Variants in HHLA2 observed in about 807,000 individuals in gnomAD.
HHLA2 encodes HERV-H LTR-associating protein 2.
In HHLA2, 48 loss-of-function variants were observed where a neutral mutation model predicts 45.9. The ratio of observed to expected loss-of-function variants is 1.05; its 90% CI spans 0.83 to 1.33. The LOEUF is 1.33. Among genes scored for constraint, HHLA2 ranks in the 40% most tolerant of loss-of-function variants. The pLI is 0.00. For missense variants in HHLA2, 462 were observed against 494.3 expected (o/e 0.93, Z 0.62); for synonymous variants, 161 against 173.9 (o/e 0.93, Z 0.59).
intron 3 of HHLA2, 66 bp from the exon 3 acceptor site, chr3:108,351,722 C>A: frequency 2.2e-6 from 2 of 906,512 alleles, no homozygotes; most frequent in South Asian, 1.5e-5. Context: ...ATGAATGTAC[C>A]ACTCTTTTCC....
At chr3:108,338,563 T>C (rs1344935180) in intron 3 of HHLA2, among the ~76,000 whole-genome samples, 1 of 152,192 alleles carries the variant, frequency 6.6e-6, no homozygotes, top group African/African-American at 2.4e-5. Flanking sequence ...TTCTTTCTGT[T>C]GAAGTTCTCT....
chr3:108,330,515 G>A (rs759197439), intron 3 of HHLA2, among the ~76,000 whole-genome samples: 2 of 152,190 alleles, frequency 1.3e-5, no homozygotes, highest in East Asian at 1.9e-4. Context: ...CCACAAAAGA[G>A]ATTATTTGGG....
intron 1 of HHLA2, among the ~76,000 whole-genome samples, chr3:108,305,402 G>C (rs1252657945): frequency 6.6e-6 from 1 of 152,152 alleles, no homozygotes; most frequent in Non-Finnish European, 1.5e-5. Context: ...TTTCTGAATG[G>C]GAATGTAGAA....
chr3:108,362,593 T>A, intron 8 of HHLA2, 147 bp downstream of exon 7: 1 of 628,144 alleles, frequency 1.6e-6, no homozygotes, highest in Non-Finnish European at 2.8e-6. Context: ...CAAAATCTTT[T>A]AAAATGCTCC....
chr3:108,305,361 T>C (rs1480231810), intron 1 of HHLA2, among the ~76,000 whole-genome samples: 1 of 152,132 alleles, frequency 6.6e-6, no homozygotes, highest in Non-Finnish European at 1.5e-5. Flanking sequence ...AGCAATTCTC[T>C]TGGTCGTAGC....
At chr3:108,310,186 G>T (rs1331577862) in intron 1 of HHLA2, among the ~76,000 whole-genome samples, 1 of 151,900 alleles carries the variant, frequency 6.6e-6, no homozygotes, top group African/African-American at 2.4e-5. Flanking sequence ...CTAGATCAGA[G>T]AAAATATATT....
chr3:108,356,064 C>T (rs184043181), intron 6 of HHLA2, among the ~76,000 whole-genome samples: 263 of 144,942 alleles, frequency 1.8e-3, no homozygotes, highest in African/African-American at 6.6e-3. Flanking sequence ...GAGTCTCCCT[C>T]TGTCGCCCAG....
At chr3:108,307,321 A>G (rs1373810255) in intron 1 of HHLA2, among the ~76,000 whole-genome samples, 1 of 152,112 alleles carries the variant, frequency 6.6e-6, no homozygotes, top group Non-Finnish European at 1.5e-5. Context: ...AGAGTTACAG[A>G]AAAGTTATGA....
At chr3:108,356,910 T>C (rs2081903217) in intron 6 of HHLA2, among the ~76,000 whole-genome samples, 1 of 152,216 alleles carries the variant, frequency 6.6e-6, no homozygotes, top group East Asian at 1.9e-4. Context: ...GGTAGAATTT[T>C]AGAAGAGTAG....
chr3:108,347,886 T>C (rs1441689052), intron 3 of HHLA2, among the ~76,000 whole-genome samples: 1 of 152,168 alleles, frequency 6.6e-6, no homozygotes, highest in Non-Finnish European at 1.5e-5. Context: ...AATTTGGTAC[T>C]AGGTGAGATG....
chr3:108,341,854 T>C (rs1166574118), intron 3 of HHLA2, among the ~76,000 whole-genome samples: 1 of 152,218 alleles, frequency 6.6e-6, no homozygotes, highest in Admixed American at 6.5e-5. Flanking sequence ...TCTGTCATCC[T>C]TGTTACTGTG....
At chr3:108,353,518 A>G (rs879624681) in exon 5 of HHLA2, 3 of 1,612,508 alleles carry the variant, frequency 1.9e-6, no homozygotes, top group East Asian at 2.2e-5. Flanking sequence ...TCCCTTCTTC[A>G]TTTGAGAGGG....
chr3:108,335,551 A>C (rs569158685), intron 3 of HHLA2, among the ~76,000 whole-genome samples: 1 of 152,200 alleles, frequency 6.6e-6, no homozygotes, highest in South Asian at 2.1e-4. Context: ...GCCTAAAGTC[A>C]GGCTCTGTAA....
exon 10 of HHLA2, chr3:108,376,510 C>T (rs746287442): frequency 6.8e-6 from 11 of 1,607,170 alleles, no homozygotes; most frequent in Non-Finnish European, 9.3e-6. Flanking sequence ...TTGTGTCCCT[C>T]CTGGTGAGCG....
At chr3:108,358,507 G>A (rs888117638) in intron 7 of HHLA2, among the ~76,000 whole-genome samples, 2 of 152,130 alleles carry the variant, frequency 1.3e-5, no homozygotes, top group Non-Finnish European at 2.9e-5. Flanking sequence ...GGGATTCAAG[G>A]CTAGAGACAC....
intron 3 of HHLA2, among the ~76,000 whole-genome samples, chr3:108,332,266 C>T (rs2081398387): frequency 6.6e-6 from 1 of 152,232 alleles, no homozygotes; most frequent in Admixed American, 6.5e-5. Flanking sequence ...GGCGGTGGGA[C>T]TAGTGAGTTC....
At chr3:108,320,759 C>T (rs1385660763) in intron 2 of HHLA2, among the ~76,000 whole-genome samples, 1 of 152,002 alleles carries the variant, frequency 6.6e-6, no homozygotes, top group Non-Finnish European at 1.5e-5. Flanking sequence ...CTTCTGCATC[C>T]TGGGACTTTA....
intron 3 of HHLA2, among the ~76,000 whole-genome samples, chr3:108,329,261 A>G (rs1345804459): frequency 5.3e-5 from 8 of 152,072 alleles, no homozygotes; most frequent in Non-Finnish European, 1.0e-4. Flanking sequence ...ATGACCTAAC[A>G]TGTGATTCAG....
intron 3 of HHLA2, among the ~76,000 whole-genome samples, chr3:108,329,750 G>A (rs552018667): frequency 6.6e-5 from 10 of 152,136 alleles, no homozygotes; most frequent in East Asian, 1.9e-4. Flanking sequence ...TGCTTCTCCC[G>A]TATTGCTATG....
Sources: allele counts gnomAD v4.1 joint callset (sites outside exome capture counted in the v4.1 genomes callset), GRCh38; gene constraint gnomAD v4.1.1; transcripts MANE v1.5; gene names NCBI Gene and HGNC (gene_info 2026-07-23, HGNC 2026-07-21).